Variants in ANO2 observed in about 807,000 individuals in gnomAD.
ANO2 encodes anoctamin-2.
In ANO2, 101 loss-of-function variants were observed where a neutral mutation model predicts 124.2. That is an observed-to-expected ratio of 0.81 (90% CI 0.69 to 0.96). The LOEUF is 0.96. Among genes scored for constraint, ANO2 ranks in the 40% least tolerant of loss-of-function variants. The probability of loss-of-function intolerance (pLI) is 0.00; values close to 1 mark genes in which losing one functional copy is unlikely to be tolerated. For synonymous variants in ANO2, 486 were observed against 482.5 expected (o/e 1.01, Z -0.09); for missense variants, 1,293 against 1,274.5 (o/e 1.01, Z -0.22).
At chr12:5,665,818 G>A (rs1424932714) in intron 14 of ANO2, among the ~76,000 whole-genome samples, 2 of 150,876 alleles carry the variant, frequency 1.3e-5, no homozygotes, top group Non-Finnish European at 1.5e-5. Flanking sequence ...CACAGCCTCA[G>A]CTGATCCAGC....
chr12:5,596,198 G>C (rs1591696484), intron 20 of ANO2, among the ~76,000 whole-genome samples: 1 of 152,314 alleles, frequency 6.6e-6, no homozygotes, highest in South Asian at 2.1e-4. Flanking sequence ...AACAAAGATA[G>C]AGGATTAAAA....
intron 24 of ANO2, 79 bp from the exon 25 acceptor site, chr12:5,563,647 CTG>C: frequency 7.7e-6 from 12 of 1,555,120 alleles, no homozygotes; most frequent in Non-Finnish European, 1.0e-5. Flanking sequence ...CAGAATGCCT[CTG>C]TGTCAATCCT....
intron 14 of ANO2, among the ~76,000 whole-genome samples, chr12:5,695,519 C>G (rs567943660): frequency 6.6e-6 from 1 of 152,214 alleles, no homozygotes; most frequent in Non-Finnish European, 1.5e-5. Context: ...ACCCCTACAT[C>G]AATAGAAATG....
At chr12:5,819,574 GTTTAACGTAGA>G (rs1953718858) in intron 7 of ANO2, among the ~76,000 whole-genome samples, 1 of 152,200 alleles carries the variant, frequency 6.6e-6, no homozygotes. Context: ...ATCTCCCTTG[GTTTAACGTAGA>G]GGAAGAGATC....
Position 5,733,874 on chromosome 12 carries a change from A to G in ANO2, c.1435-1244T>C, listed in dbSNP as rs567486551. ...CTTATACCACACACTGTAGATCTTC[A>G]TTACATATTTTTCTTTTATTTTTTC... On this transcript the variant is annotated intron_variant, in intron 13 of 24. Transcript: ENST00000682330. Among the ~76,000 whole-genome samples the G allele has an allele frequency of 4.3e-4, 65 of 152,188 alleles. 1 individual carries two copies. Among genetic ancestry groups the G allele is most frequent in the Admixed American group, 2.6e-3 (39 of 15,282 alleles).
chr12:5,920,740 G>A (rs372022896), intron 3 of ANO2, among the ~76,000 whole-genome samples: 58 of 152,158 alleles, frequency 3.8e-4, no homozygotes, highest in African/African-American at 9.6e-4. Flanking sequence ...GGTGGCGGGC[G>A]CCTATAGTCC....
chr12:5,840,783 T>C (rs953226831), intron 4 of ANO2, among the ~76,000 whole-genome samples: 3 of 152,104 alleles, frequency 2.0e-5, no homozygotes, highest in Non-Finnish European at 4.4e-5. Context: ...TTAACACCCA[T>C]CGTCCGCCTC....
intron 1 of ANO2, among the ~76,000 whole-genome samples, chr12:5,930,443 G>T (rs1047746776): frequency 6.6e-6 from 1 of 152,140 alleles, no homozygotes; most frequent in Non-Finnish European, 1.5e-5. Flanking sequence ...AGATGAAGTG[G>T]TCCAGACGGG....
At chr12:5,588,916 T>C (rs1943255284) in intron 20 of ANO2, among the ~76,000 whole-genome samples, 1 of 152,114 alleles carries the variant, frequency 6.6e-6, no homozygotes, top group African/African-American at 2.4e-5. Flanking sequence ...GCCACACTGC[T>C]AGATAGAAGC....
In ANO2 at chr12:5,827,183, C is replaced by T. The variant is rs376832212; in HGVS notation, c.892+586G>A. 3.5e-4 allele frequency among the ~76,000 whole-genome samples: 54 copies of T among 152,302 alleles called. No homozygotes were observed. The South Asian group carries it at 0.011, about 31-fold the overall frequency. ...TGGACTGCCTGCCTTATACTGCCTG[C>T]CTTATACTTGGTCCCAAATGCTTCC... On this transcript the variant is annotated intron_variant, in intron 7 of 24. Coordinates refer to ENST00000682330, the MANE Select transcript of ANO2 (RefSeq NM_001364791.2).
intron 14 of ANO2, among the ~76,000 whole-genome samples, chr12:5,728,954 T>A (rs1015533750): frequency 3.3e-5 from 5 of 152,210 alleles, no homozygotes; most frequent in Non-Finnish European, 5.9e-5. Flanking sequence ...TACATTTGAA[T>A]ACCCTCCTTA....
At chr12:5,665,050 G>C (rs772821933) in intron 14 of ANO2, among the ~76,000 whole-genome samples, 1 of 151,498 alleles carries the variant, frequency 6.6e-6, no homozygotes, top group Non-Finnish European at 1.5e-5. Flanking sequence ...ATAGTGATTT[G>C]ACCTTAAGCC....
intron 15 of ANO2, among the ~76,000 whole-genome samples, chr12:5,640,651 A>C (rs554606036): frequency 2.0e-5 from 3 of 152,250 alleles, no homozygotes; most frequent in South Asian, 2.1e-4. Flanking sequence ...TCATCAGAGA[A>C]ATGCAAATCA....
chr12:5,909,535 C>T lies in ANO2; in HGVS notation c.534+11505G>A, dbSNP rs73047655. On this transcript the variant is annotated intron_variant, in intron 3 of 24. Coordinates refer to ENST00000682330, the MANE Select transcript of ANO2 (RefSeq NM_001364791.2). ...CGAGATCCAGAGAGAAGCCAGTTGG[C>T]AGCAGACAAGGTCCTAGAACCCAGG... Among the ~76,000 whole-genome samples the T allele has an allele frequency of 9.0e-3, 1,378 of 152,326 alleles. 8 individuals are homozygous for T. Among genetic ancestry groups the T allele is most frequent in the Non-Finnish European group, 0.013 (898 of 68,020 alleles).
intron 3 of ANO2, among the ~76,000 whole-genome samples, chr12:5,884,645 T>G (rs1938752440): frequency 1.3e-5 from 2 of 152,218 alleles, no homozygotes; most frequent in Admixed American, 6.5e-5. Context: ...GGAAGATGGT[T>G]CCACCTTGCC....
intron 10 of ANO2, among the ~76,000 whole-genome samples, chr12:5,786,876 T>C (rs1340239595): frequency 2.0e-5 from 3 of 152,232 alleles, no homozygotes; most frequent in African/African-American, 7.2e-5. Context: ...AGAGTCACCA[T>C]GACAATTCAA....
intron 4 of ANO2, chr12:5,852,073 T>C: frequency 2.9e-6 from 2 of 691,806 alleles, no homozygotes; most frequent in East Asian, 2.7e-5. Flanking sequence ...AATAATATAT[T>C]GGAGTTAGAA....
At chr12:5,727,545 C>T (rs1224472530) in intron 14 of ANO2, among the ~76,000 whole-genome samples, 1 of 146,594 alleles carries the variant, frequency 6.8e-6, no homozygotes, top group Non-Finnish European at 1.5e-5. Flanking sequence ...CTACAGCTAA[C>T]ATGAGACTTA....
chr12:5,628,593 G>A (rs565807158), intron 16 of ANO2, among the ~76,000 whole-genome samples: 1 of 152,198 alleles, frequency 6.6e-6, no homozygotes, highest in Non-Finnish European at 1.5e-5. Flanking sequence ...TACCCTCCTG[G>A]GGCTGTTTTA....
Sources: gnomAD v4.1 joint callset for allele counts (sites outside exome capture counted in the v4.1 genomes callset) on GRCh38, gnomAD v4.1.1 for gene constraint, MANE v1.5 for transcripts, NCBI Gene and HGNC (gene_info 2026-07-23, HGNC 2026-07-21) for gene names.